MID2: variants seen among roughly 807,000 people sequenced by gnomAD.
The protein encoded by MID2 is probable E3 ubiquitin-protein ligase MID2.
A neutral mutation model predicts 46.1 loss-of-function variants in MID2; 13 were observed. The ratio of observed to expected loss-of-function variants is 0.28; its 90% CI spans 0.18 to 0.45. The LOEUF (loss-of-function observed/expected upper bound fraction) is 0.45, where lower values mean the gene tolerates loss of function less well. Among genes scored for constraint, MID2 ranks in the 20% least tolerant of loss-of-function variants. The pLI is 1.00. For synonymous variants in MID2, 199 were observed against 212.3 expected (o/e 0.94, Z 0.55); for missense variants, 431 against 575.4 (o/e 0.75, Z 2.57).
chrX:107,920,936 T>G (rs1404148390), intron 7 of MID2, among the ~76,000 whole-genome samples: 1 of 111,994 alleles, frequency 8.9e-6, no homozygotes, highest in African/African-American at 3.2e-5. Context: ...TTCCTAAGAA[T>G]AAGGAAATTC....
chrX:107,846,387 G>A (rs947350317), intron 2 of MID2, among the ~76,000 whole-genome samples: 1 of 111,057 alleles, frequency 9.0e-6, no homozygotes, highest in African/African-American at 3.3e-5. Context: ...GGTAATGGTG[G>A]TGAACATGTG....
At chrX:107,871,817 A>G (rs1233732095) in intron 3 of MID2, among the ~76,000 whole-genome samples, 4 of 111,284 alleles carry the variant, frequency 3.6e-5, no homozygotes, top group African/African-American at 1.3e-4. Context: ...CCCAATGTCC[A>G]GCTGCTTCTC....
At chrX:107,843,479 AT>A (rs1343389410) in intron 2 of MID2, among the ~76,000 whole-genome samples, 1 of 112,332 alleles carries the variant, frequency 8.9e-6, no homozygotes, top group African/African-American at 3.2e-5. Flanking sequence ...AGAAAGCCAG[AT>A]TTTGAATAGT....
At position 107,903,989 on chromosome X, in the gene MID2, T is replaced by C. The variant is rs756876721; in HGVS notation, c.848T>C (p.Met283Thr). ...VNTAMHEAKL[M>T]EECDELVEII... Reference sequence around the variant, plus strand: ...ACTGCTATGCATGAGGCAAAACTTATGGAAGAATGTGACGAGTTGGTAGAG... The same window carrying C: ...ACTGCTATGCATGAGGCAAAACTTACGGAAGAATGTGACGAGTTGGTAGAG... Residue 283 changes from methionine (M) to threonine (T), a missense_variant, in exon 4 of 10, where the codon ATG (methionine) becomes ACG (threonine). Transcript: ENST00000262843. 11 of 1,207,792 alleles carry C rather than the reference T, an allele frequency of 9.1e-6. No individual in the cohort carries two copies. Among genetic ancestry groups the C allele is most frequent in the Non-Finnish European group, 1.2e-5 (11 of 893,117 alleles).
Position 107,894,765 on chromosome X carries a change from C to G in MID2, c.817-9193C>G, listed in dbSNP as rs745351874. On this transcript the variant is annotated intron_variant, in intron 3 of 9. Transcript: ENST00000262843. ...TGGGAGGAGACACACAATAAACAAA[C>G]ATATTTTTATTAGGGATTATAAGTA... is the stretch of plus-strand genomic sequence containing the variant. 1.3e-4 allele frequency: 14 copies of G among 107,852 alleles called. No homozygotes were observed. The South Asian group carries it at 5.8e-3, about 45-fold the overall frequency. 8.9% of individuals were successfully genotyped at this position (107,852 alleles called of 1,213,427 possible). A position where few individuals can be genotyped will look rare whatever the true frequency, so the allele number is the denominator to read the frequency against.
chrX:107,884,268 T>C (rs1275117892), intron 3 of MID2, among the ~76,000 whole-genome samples: 2 of 112,078 alleles, frequency 1.8e-5, no homozygotes, highest in African/African-American at 3.2e-5. Context: ...AAAGAAGTAC[T>C]TTTTGGGAAA....
chrX:107,902,081 C>T (rs1477996052), intron 3 of MID2, among the ~76,000 whole-genome samples: 1 of 111,975 alleles, frequency 8.9e-6, no homozygotes, highest in Non-Finnish European at 1.9e-5. Context: ...CAAATCTCAT[C>T]CCTGCTATGT....
chrX:107,865,674 C>G (rs1931941197), intron 3 of MID2, among the ~76,000 whole-genome samples: 1 of 111,983 alleles, frequency 8.9e-6, no homozygotes, highest in South Asian at 3.7e-4. Flanking sequence ...AACATTGACT[C>G]TTTCCTTGAG....
chrX:107,873,715 C>T (rs1245563922), intron 3 of MID2, among the ~76,000 whole-genome samples: 1 of 112,127 alleles, frequency 8.9e-6, no homozygotes, highest in Admixed American at 9.4e-5. Flanking sequence ...CTTGGTCTGC[C>T]AATCTATTTT....
intron 1 of MID2, among the ~76,000 whole-genome samples, chrX:107,827,241 A>G (rs1930976461): frequency 8.9e-6 from 1 of 111,766 alleles, no homozygotes; most frequent in Non-Finnish European, 1.9e-5. Flanking sequence ...GAAATCCTGC[A>G]GTCGTTGTAC....
chrX:107,910,768 T>C (rs1055671559), intron 5 of MID2, among the ~76,000 whole-genome samples: 10 of 20,018 alleles, frequency 5.0e-4, no homozygotes, highest in Admixed American at 2.5e-3. Context: ...CTGTTATAGA[T>C]TTTCCTTTCC....
intron 5 of MID2, among the ~76,000 whole-genome samples, chrX:107,907,726 T>A (rs1164610076): frequency 8.9e-6 from 1 of 111,945 alleles, no homozygotes; most frequent in African/African-American, 3.2e-5. Flanking sequence ...ACTTTACATT[T>A]CTTCACCCCT....
At chrX:107,916,508 T>G (rs1037401796) in intron 6 of MID2, among the ~76,000 whole-genome samples, 1 of 111,847 alleles carries the variant, frequency 8.9e-6, no homozygotes, top group Non-Finnish European at 1.9e-5. Context: ...CAAAATGGTT[T>G]TAAGGAAAAT....
intron 1 of MID2, among the ~76,000 whole-genome samples, chrX:107,828,314 T>TC (rs1465366597): frequency 6.3e-5 from 6 of 95,696 alleles, no homozygotes; most frequent in African/African-American, 1.6e-4. Flanking sequence ...TCTTTTCTTT[T>TC]TTTTTTTTTT....
At chrX:107,879,479 CAT>C (rs764224487) in intron 3 of MID2, among the ~76,000 whole-genome samples, 1 of 112,494 alleles carries the variant, frequency 8.9e-6, no homozygotes, top group Non-Finnish European at 1.9e-5. Flanking sequence ...AACATTCAAC[CAT>C]AGTCTCTGAT....
intron 2 of MID2, among the ~76,000 whole-genome samples, chrX:107,844,860 A>G (rs777103512): frequency 8.9e-6 from 1 of 112,019 alleles, no homozygotes; most frequent in East Asian, 2.8e-4. Flanking sequence ...AGACCACTCC[A>G]AAACATCACA....
chrX:107,860,809 A>G (rs1931837224), intron 3 of MID2, among the ~76,000 whole-genome samples: 1 of 112,273 alleles, frequency 8.9e-6, no homozygotes, highest in Admixed American at 9.4e-5. Context: ...TTCTCACAAC[A>G]GCTCTGTGAG....
chrX:107,905,498 G>A lies in MID2; in HGVS notation c.945G>A (p.Leu315=). 4 of 1,204,486 alleles carry A rather than the reference G, an allele frequency of 3.3e-6. No individual in the cohort carries two copies. The highest frequency in any genetic ancestry group is 4.5e-6 in the Non-Finnish European group (4 of 891,564). ...TAAAGGTTATGAAACTGAGAAAGTT[G>A]GCACAGCAGGTTGCTAATTGCCGCC... is the stretch of plus-strand genomic sequence containing the variant. ...KETKVMKLRK[L]AQQVANCRQC... is the part of the protein sequence containing the mutation. The change falls in exon 5 of 10, where the codon TTG becomes TTA. Residue 315 remains leucine, a synonymous_variant. Coordinates refer to ENST00000262843, the MANE Select transcript of MID2 (RefSeq NM_012216.4).
intron 3 of MID2, among the ~76,000 whole-genome samples, chrX:107,859,075 G>C (rs1272495726): frequency 8.9e-6 from 1 of 112,082 alleles, no homozygotes; most frequent in African/African-American, 3.2e-5. Context: ...TCAAACTTCA[G>C]ATGGGCTGGT....
Sources: allele counts gnomAD v4.1 joint callset (sites outside exome capture counted in the v4.1 genomes callset), GRCh38; gene constraint gnomAD v4.1.1; transcripts MANE v1.5; gene names NCBI Gene and HGNC (gene_info 2026-07-23, HGNC 2026-07-21).